PPP1R9A: variants seen among roughly 807,000 people sequenced by gnomAD.
The protein encoded by PPP1R9A is protein phosphatase 1 regulatory subunit 9A, also known as neurabin-1.
PPP1R9A carries 59 observed loss-of-function variants against 141.9 expected under a neutral mutation model. The observed-to-expected ratio is 0.42, with a 90% CI of 0.34 to 0.52. The LOEUF is 0.52. Among genes scored for constraint, PPP1R9A ranks in the 20% least tolerant of loss-of-function variants. PPP1R9A has a pLI of 0.10. For synonymous variants in PPP1R9A, 500 were observed against 569.7 expected (o/e 0.88, Z 1.74); for missense variants, 1,444 against 1,611.9 (o/e 0.90, Z 1.78).
At chr7:94,944,133 A>G (rs1162294740) in intron 2 of PPP1R9A, among the ~76,000 whole-genome samples, 1 of 152,100 alleles carries the variant, frequency 6.6e-6, no homozygotes, top group African/African-American at 2.4e-5. Context: ...ATCACGTTAT[A>G]CTTTCATCTT....
At chr7:95,277,238 G>GT (rs939217006) in intron 16 of PPP1R9A, among the ~76,000 whole-genome samples, 1 of 152,140 alleles carries the variant, frequency 6.6e-6, no homozygotes, top group Non-Finnish European at 1.5e-5. Context: ...CTTGGTTTTA[G>GT]TTTTTTCCTC....
intron 2 of PPP1R9A, among the ~76,000 whole-genome samples, chr7:95,081,866 T>C (rs1815886677): frequency 6.6e-6 from 1 of 152,218 alleles, no homozygotes; most frequent in South Asian, 2.1e-4. Flanking sequence ...TAATTTGCTC[T>C]ATTACCTTTA....
chr7:95,004,763 G>A (rs1175775544), intron 2 of PPP1R9A, among the ~76,000 whole-genome samples: 2 of 152,242 alleles, frequency 1.3e-5, no homozygotes, highest in East Asian at 3.9e-4. Context: ...TCGCTGTCCT[G>A]TAGTCATTGG....
intron 2 of PPP1R9A, among the ~76,000 whole-genome samples, chr7:95,088,714 G>A (rs537054987): frequency 3.9e-5 from 6 of 152,090 alleles, no homozygotes; most frequent in African/African-American, 1.5e-4. Flanking sequence ...GGACCAGCCA[G>A]ACAAGTAAAT....
chr7:95,155,185 C>CTTTTTTTT (rs57799059), intron 4 of PPP1R9A: 200 of 119,462 alleles, frequency 1.7e-3, no homozygotes, highest in Non-Finnish European at 2.5e-3. Context: ...TTCTTTTTTT[C>CTTTTTTTT]TTTTTTTTTT....
intron 4 of PPP1R9A, among the ~76,000 whole-genome samples, chr7:95,146,810 T>C (rs147865236): frequency 0.017 from 2,597 of 152,256 alleles, 37 homozygotes; most frequent in South Asian, 0.051. Context: ...TGGTTGTAGA[T>C]GTGTGGTGTT....
Position 95,288,619 on chromosome 7 carries a change from C to T in PPP1R9A, c.3813C>T (p.His1271=). 1 of 1,614,122 alleles carries T rather than the reference C, an allele frequency of 6.2e-7. No homozygotes were observed. The highest frequency in any genetic ancestry group is 1.1e-5 in the South Asian group (1 of 91,074). The change falls in exon 19 of 20, where the codon CAC becomes CAT. Residue 1271 remains histidine, a synonymous_variant. Coordinates refer to ENST00000433360, the MANE Select transcript of PPP1R9A (RefSeq NM_001166160.2). ...VQEWSVQQVS[H]WLMSLNLEQY... ...AATGGAGTGTGCAGCAGGTTTCTCACTGGTTAATGAGCCTAAATCTGGAGC... is the reference window on the plus strand; with the variant it reads ...AATGGAGTGTGCAGCAGGTTTCTCATTGGTTAATGAGCCTAAATCTGGAGC...
chr7:95,027,147 C>A (rs1025403336), intron 2 of PPP1R9A, among the ~76,000 whole-genome samples: 1 of 152,182 alleles, frequency 6.6e-6, no homozygotes, highest in African/African-American at 2.4e-5. Flanking sequence ...AATACTCCTG[C>A]AGCTAGCTTG....
chr7:95,252,216 A>G (rs955557876), intron 12 of PPP1R9A, 86 bp downstream of exon 12: 49 of 1,391,130 alleles, frequency 3.5e-5, no homozygotes, highest in Middle Eastern at 2.1e-4. Context: ...AGAGATTTAA[A>G]AGTTGGAAAT....
intron 2 of PPP1R9A, among the ~76,000 whole-genome samples, chr7:95,001,889 T>A (rs1802981538): frequency 6.6e-6 from 1 of 152,186 alleles, no homozygotes. Context: ...CATAGAGCTC[T>A]TCCTGAGATG....
intron 2 of PPP1R9A, among the ~76,000 whole-genome samples, chr7:95,075,440 A>G (rs1814690539): frequency 6.6e-6 from 1 of 152,186 alleles, no homozygotes; most frequent in African/African-American, 2.4e-5. Context: ...AAAAACATTC[A>G]CTTAATACAT....
intron 4 of PPP1R9A, among the ~76,000 whole-genome samples, chr7:95,159,043 T>A (rs1830053584): frequency 6.6e-6 from 1 of 152,200 alleles, no homozygotes; most frequent in Non-Finnish European, 1.5e-5. Context: ...TGGGTATATA[T>A]CCTGGAGAAA....
At chr7:95,070,602 T>TATATATATATATATATATATATATAC (rs1563193398) in intron 2 of PPP1R9A, among the ~76,000 whole-genome samples, 6 of 125,622 alleles carry the variant, frequency 4.8e-5, no homozygotes, top group Non-Finnish European at 1.1e-4. Flanking sequence ...GGTATATATA[T>TATATATATATATATATATATATATAC]ATATATATAC....
chr7:95,215,806 T>G (rs1425790864), intron 7 of PPP1R9A, among the ~76,000 whole-genome samples: 3 of 152,298 alleles, frequency 2.0e-5, no homozygotes, highest in Non-Finnish European at 4.4e-5. Flanking sequence ...TTCGCCCACT[T>G]TTTGATGGGG....
chr7:95,288,239 T>C (rs1245865810), intron 18 of PPP1R9A, among the ~76,000 whole-genome samples: 1 of 152,244 alleles, frequency 6.6e-6, no homozygotes, highest in Admixed American at 6.5e-5. Flanking sequence ...CTACATCTTA[T>C]AATCTGTCCA....
intron 2 of PPP1R9A, among the ~76,000 whole-genome samples, chr7:94,947,524 G>C (rs940857233): frequency 1.3e-5 from 2 of 152,102 alleles, no homozygotes; most frequent in African/African-American, 4.8e-5. Context: ...TTCAAACACA[G>C]AAAGTGGGTT....
intron 2 of PPP1R9A, among the ~76,000 whole-genome samples, chr7:95,037,702 T>TGCGCGC (rs386410743): frequency 6.6e-6 from 1 of 152,082 alleles, no homozygotes; most frequent in African/African-American, 2.4e-5. Flanking sequence ...TGTGTGTGCG[T>TGCGCGC]GCGCGCGTGT....
At chr7:95,211,280 C>A (rs1412542311) in intron 7 of PPP1R9A, among the ~76,000 whole-genome samples, 1 of 152,066 alleles carries the variant, frequency 6.6e-6, no homozygotes, top group East Asian at 1.9e-4. Flanking sequence ...TGGAAGGGTT[C>A]AACAAACATT....
chr7:94,954,834 CGTGTGTGTGTGTGTGTGT>C (rs66968535), intron 2 of PPP1R9A, among the ~76,000 whole-genome samples: 1 of 146,326 alleles, frequency 6.8e-6, no homozygotes, highest in Non-Finnish European at 1.5e-5. Context: ...TGTAAATATG[CGTGTGTGTGTGTGTGTGT>C]GTGTGTGTGT....
Sources: gnomAD v4.1 joint callset for allele counts (sites outside exome capture counted in the v4.1 genomes callset) on GRCh38, gnomAD v4.1.1 for gene constraint, MANE v1.5 for transcripts, NCBI Gene and HGNC (gene_info 2026-07-23, HGNC 2026-07-21) for gene names.